LRP5: variants seen among roughly 807,000 people sequenced by gnomAD.
LRP5 encodes the protein LDL receptor related protein 5.
In LRP5, 62 loss-of-function variants were observed where a neutral mutation model predicts 154.1. The observed-to-expected ratio is 0.40, with a 90% CI of 0.33 to 0.50. LRP5 has a LOEUF of 0.50. Among genes scored for constraint, LRP5 ranks in the 20% least tolerant of loss-of-function variants. The probability of loss-of-function intolerance (pLI) is 0.55; values close to 1 mark genes in which losing one functional copy is unlikely to be tolerated. For synonymous variants in LRP5, 966 were observed against 1,011.5 expected (o/e 0.96, Z 0.85); for missense variants, 1,915 against 2,336.7 (o/e 0.82, Z 3.72).
intron 5 of LRP5, among the ~76,000 whole-genome samples, chr11:68,385,410 T>G (rs2098642444): frequency 6.6e-6 from 1 of 152,058 alleles, no homozygotes; most frequent in Admixed American, 6.6e-5. Flanking sequence ...GGACAGTGCC[T>G]TGCCTGTTCT....
intron 9 of LRP5, 117 bp downstream of exon 9, chr11:68,406,930 G>A: frequency 2.9e-6 from 3 of 1,042,086 alleles, no homozygotes; most frequent in Non-Finnish European, 4.3e-6. Flanking sequence ...TTGTAACGCA[G>A]TTCAAGCTAA....
chr11:68,314,722 G>A (rs1661302496), intron 1 of LRP5, among the ~76,000 whole-genome samples: 2 of 152,232 alleles, frequency 1.3e-5, no homozygotes, highest in South Asian at 2.1e-4. Flanking sequence ...CTCTCCCCCT[G>A]GAGGTTCCTC....
chr11:68,393,306 T>A (rs745532459), intron 7 of LRP5, among the ~76,000 whole-genome samples: 1 of 152,172 alleles, frequency 6.6e-6, no homozygotes. Context: ...TTTGAACACC[T>A]GTTGTGAATT....
At chr11:68,321,026 T>C (rs1418502067) in intron 1 of LRP5, among the ~76,000 whole-genome samples, 2 of 152,188 alleles carry the variant, frequency 1.3e-5, no homozygotes, top group Non-Finnish European at 2.9e-5. Flanking sequence ...GTTACTGTTT[T>C]ATGTTTTACA....
chr11:68,416,554 G>T, intron 13 of LRP5, 27 bp downstream of exon 13: 1 of 1,610,322 alleles, frequency 6.2e-7, no homozygotes, highest in Non-Finnish European at 8.5e-7. Flanking sequence ...AAGGGTGCGG[G>T]GTGTGCTTCC....
At position 68,426,130 on chromosome 11, in the gene LRP5, C is replaced by A; in HGVS notation, c.3580C>A (p.Arg1194Ser). Residue 1194 changes from arginine to serine, a missense_variant, in exon 16 of 23, where the codon CGT becomes AGT. By Grantham distance (110) the Arg-to-Ser change is moderately radical. Around this residue, in one of 3 missense-constraint regions of LRP5, gnomAD observed 1,094 missense variants for 1,210.1 expected, o/e 0.90. Coordinates refer to ENST00000294304, the MANE Select transcript of LRP5 (RefSeq NM_002335.4). ...GGACAAGCGGACTCGCATCCAGGGC[C>A]GTGTCGCCCACCTCACTGGCATCCA... ...TGDKRTRIQG[R>S]VAHLTGIHAV... The A allele has an allele frequency of 6.2e-7, 1 of 1,613,138 alleles. No homozygotes were observed. The highest frequency in any genetic ancestry group is 8.5e-7 in the Non-Finnish European group (1 of 1,180,020).
chr11:68,363,798 C>A lies in LRP5; in HGVS notation c.738C>A (p.Ser246=). The A allele has an allele frequency of 6.2e-7, 1 of 1,613,066 alleles. No homozygotes were observed. Among genetic ancestry groups the A allele is most frequent in the Non-Finnish European group, 8.5e-7 (1 of 1,179,892 alleles). The change falls in exon 4 of 23, where the codon TCC becomes TCA. Residue 246 remains serine, a synonymous_variant. Transcript: ENST00000294304. ...CGCACCCCTTCGCCCTGACGCTCTC[C>A]GGGGACACTCTGTACTGGACAGACT... ...SLTHPFALTL[S]GDTLYWTDWQ...
chr11:68,368,094 C>T (rs115474917), intron 5 of LRP5, among the ~76,000 whole-genome samples: 3,078 of 151,262 alleles, frequency 0.02, 113 homozygotes, highest in African/African-American at 0.071. Flanking sequence ...TGCAGCTCGT[C>T]CTGGCTAGTC....
intron 19 of LRP5, among the ~76,000 whole-genome samples, chr11:68,437,815 C>A (rs2098675863): frequency 6.6e-6 from 1 of 152,258 alleles, no homozygotes; most frequent in Admixed American, 6.5e-5. Context: ...GTCTGACGGG[C>A]CTGTGCCGTG....
chr11:68,326,453 C>T (rs1276270980), intron 1 of LRP5, among the ~76,000 whole-genome samples: 1 of 152,258 alleles, frequency 6.6e-6, no homozygotes, highest in Admixed American at 6.5e-5. Flanking sequence ...AAGGCAGGGC[C>T]AGCCTGGGCA....
At chr11:68,438,764 C>A in intron 20 of LRP5, 82 bp downstream of exon 20, 3 of 1,217,898 alleles carry the variant, frequency 2.5e-6, no homozygotes, top group Non-Finnish European at 2.4e-6. Context: ...CAGGGATGTG[C>A]TACCCCAGGC....
Position 68,416,346 on chromosome 11 carries a change from T to G in LRP5, c.2846T>G (p.Leu949Arg). The G allele has an allele frequency of 6.2e-7, 1 of 1,614,146 alleles. No homozygotes were observed. The highest frequency in any genetic ancestry group is 8.5e-7 in the Non-Finnish European group (1 of 1,180,036). The change falls in exon 13 of 23, where the codon CTG (leucine) becomes CGG (arginine). Residue 949 changes from leucine (L) to arginine (R), a missense_variant. By Grantham distance (102) the Leu-to-Arg change is moderately radical. Transcript: ENST00000294304. ...RNCSPPTTFL[L>R]FSQKSAISRM... Reference sequence around the variant, plus strand: ...CCTCTAGCGCCCACCACCTTCTTGCTGTTCAGCCAGAAATCTGCCATCAGT... The same window carrying G: ...CCTCTAGCGCCCACCACCTTCTTGCGGTTCAGCCAGAAATCTGCCATCAGT...
At chr11:68,350,181 C>T (rs1446155971) in intron 2 of LRP5, among the ~76,000 whole-genome samples, 3 of 152,226 alleles carry the variant, frequency 2.0e-5, no homozygotes, top group African/African-American at 7.2e-5. Flanking sequence ...TGATTACAGG[C>T]GTGCACTACC....
chr11:68,318,155 C>T (rs1203517497), intron 1 of LRP5, among the ~76,000 whole-genome samples: 2 of 151,334 alleles, frequency 1.3e-5, no homozygotes, highest in African/African-American at 2.4e-5. Context: ...CCCAGGGTCA[C>T]GCCTTTCTCC....
chr11:68,438,330 C>A, intron 19 of LRP5, 116 bp from the exon 20 acceptor site: 1 of 1,030,040 alleles, frequency 9.7e-7, no homozygotes, highest in Non-Finnish European at 1.5e-6. Context: ...CCACTTTCTC[C>A]CCACCCTCCA....
chr11:68,404,885 G>C (rs2098654639), intron 8 of LRP5, among the ~76,000 whole-genome samples: 1 of 151,466 alleles, frequency 6.6e-6, no homozygotes, highest in African/African-American at 2.4e-5. Context: ...CAGGAGAATG[G>C]CGTGAACCCG....
chr11:68,413,637 C>T lies in LRP5; in HGVS notation c.2504-52C>T. ...CTCACCCCGCAGGGCGCCGTGTGCTCTGTGGCCTGGCTGTGCCTTTGCTGA... is the reference window on the plus strand; with the variant it reads ...CTCACCCCGCAGGGCGCCGTGTGCTTTGTGGCCTGGCTGTGCCTTTGCTGA... On this transcript the variant is annotated intron_variant, in intron 11 of 22. Coordinates refer to ENST00000294304, the MANE Select transcript of LRP5 (RefSeq NM_002335.4). The surrounding 1 kb of genome is among the most constrained non-coding windows in gnomAD (Gnocchi z 5.1). 1 of 1,550,978 alleles carries T rather than the reference C, an allele frequency of 6.4e-7. No homozygotes were observed. The highest frequency in any genetic ancestry group is 8.9e-7 in the Non-Finnish European group (1 of 1,124,042).
At position 68,438,801 on chromosome 11, in the gene LRP5, T is replaced by C. The variant is rs2098676525; in HGVS notation, c.4348+119T>C. On this transcript the variant is annotated intron_variant, in intron 20 of 22. Transcript: ENST00000294304. ...CTCTTGCACATGTGGCAGACATTGC[T>C]AATCGATCACAGCATTCAGCCTTTC... 11 of 841,356 alleles carry C rather than the reference T, an allele frequency of 1.3e-5. No individual in the cohort carries two copies. The Admixed American group carries it at 2.5e-4, about 19-fold the overall frequency. The allele number at this position is 841,356 out of a possible 1,614,324, so 52.1% of individuals were successfully genotyped here.
At chr11:68,397,227 GCCCTGCCCTTCTCCCCTCTA>G (rs1487716737) in intron 7 of LRP5, among the ~76,000 whole-genome samples, 1 of 152,022 alleles carries the variant, frequency 6.6e-6, no homozygotes, top group Non-Finnish European at 1.5e-5. Flanking sequence ...TCTCCCCTCT[GCCCTGCCCTTCTCCCCTCTA>G]CCCTGCCCTT....
Sources: allele counts gnomAD v4.1 joint callset (sites outside exome capture counted in the v4.1 genomes callset), GRCh38; gene constraint gnomAD v4.1.1; regional missense constraint gnomAD v4.1.1; non-coding constraint Gnocchi (gnomAD v3.1); transcripts MANE v1.5; gene names NCBI Gene and HGNC (gene_info 2026-07-23, HGNC 2026-07-21).